Variants in COL6A2 observed in about 807,000 individuals in gnomAD.
COL6A2 encodes collagen type VI alpha 2 chain.
A neutral mutation model predicts 124.9 loss-of-function variants in COL6A2; 90 were observed. That is an observed-to-expected ratio of 0.72 (90% CI 0.61 to 0.86). The LOEUF (loss-of-function observed/expected upper bound fraction) is 0.86. COL6A2 is among the 40% of genes least tolerant of loss of function. COL6A2 has a pLI of 0.00. For synonymous variants in COL6A2, 793 were observed against 618.2 expected (o/e 1.28, Z -4.19); for missense variants, 1,607 against 1,502.5 (o/e 1.07, Z -1.15).
In COL6A2 at chr21:46,112,283, C is replaced by T; in HGVS notation, c.420C>T (p.Asn140=). 4 of 1,612,674 alleles carry T rather than the reference C, an allele frequency of 2.5e-6. No individual in the cohort carries two copies. The highest frequency in any genetic ancestry group is 3.4e-6 in the Non-Finnish European group (4 of 1,179,948). ...RGTFTDCALA[N]MTEQIRQDRS... is the part of the protein sequence containing the mutation. ...CCTTCACCGACTGCGCGCTGGCCAA[C>T]ATGACGGAGCAGATCCGGCAGGACC... Residue 140 remains asparagine, a synonymous_variant, in exon 3 of 28, where the codon AAC becomes AAT. Transcript: ENST00000300527.
intron 3 of COL6A2, 55 bp from the exon 4 acceptor site, chr21:46,112,749 A>C: frequency 6.2e-7 from 1 of 1,612,724 alleles, no homozygotes; most frequent in Non-Finnish European, 8.5e-7. Context: ...CTCGAGGTGC[A>C]GCCGCCCCAG....
At chr21:46,105,460 A>C (rs2078326708) in intron 1 of COL6A2, among the ~76,000 whole-genome samples, 1 of 152,228 alleles carries the variant, frequency 6.6e-6, no homozygotes. Flanking sequence ...TTGCTGTAAC[A>C]ATGGTGTGTA....
chr21:46,130,013 AG>A (rs1234106456), intron 27 of COL6A2, among the ~76,000 whole-genome samples: 1 of 152,070 alleles, frequency 6.6e-6, no homozygotes, highest in African/African-American at 2.4e-5. Flanking sequence ...GAGGCTGGTG[AG>A]CCTCGCTGGG....
intron 16 of COL6A2, 51 bp downstream of exon 16, chr21:46,120,628 C>G (rs985336104): frequency 7.0e-7 from 1 of 1,422,068 alleles, no homozygotes; most frequent in Non-Finnish European, 9.3e-7. Context: ...TGAGGGGGTG[C>G]AGGGGGGCTG....
intron 1 of COL6A2, among the ~76,000 whole-genome samples, chr21:46,100,308 A>ATGTG (rs2078275588): frequency 1.3e-5 from 2 of 149,682 alleles, no homozygotes; most frequent in South Asian, 4.2e-4. Flanking sequence ...CAGGCCATGG[A>ATGTG]TGTGTTTGTT....
At chr21:46,112,916 C>T (rs2078425207) in intron 4 of COL6A2, 92 bp downstream of exon 4, 5 of 1,538,302 alleles carry the variant, frequency 3.3e-6, no homozygotes, top group Non-Finnish European at 4.5e-6. Context: ...CGCCTCCAGG[C>T]TGGAACAGAT....
chr21:46,126,498 TCCAGACCCTCAGATCGTGTGC>T lies in COL6A2; in HGVS notation c.2426_2446del (p.Pro809_Asp815del). ...GCCTGGCCCGGCCTCTCTCCTCTCT[TCCAGACCCTCAGATCGTGTGC>T]CCAGACCTTCCCTGCCAAACAGGTA... On this transcript the variant is annotated splice_acceptor_variant and splice_polypyrimidine_tract_variant and coding_sequence_variant and intron_variant, in exon 27 of 28. Coordinates refer to ENST00000300527, the MANE Select transcript of COL6A2 (RefSeq NM_001849.4). LOFTEE classifies it high-confidence loss of function. 1 of 1,586,752 alleles carries T rather than the reference TCCAGACCCTCAGATCGTGTGC, an allele frequency of 6.3e-7. No homozygotes were observed. The highest frequency in any genetic ancestry group is 8.6e-7 in the Non-Finnish European group (1 of 1,156,656).
In COL6A2 at chr21:46,112,541, C is replaced by T. The variant is rs762973282; in HGVS notation, c.678C>T (p.Ile226=). The change falls in exon 3 of 28, where the codon ATC becomes ATT. Residue 226 remains isoleucine, a synonymous_variant. Transcript: ENST00000300527. ...CCATGCTGCCCGACTCCACCGAGAT[C>T]GACCAGGACACCATCAACCGCATCA... The part of the protein sequence containing the change: ...YATMLPDSTE[I]DQDTINRIIK... The T allele has an allele frequency of 4.3e-6, 7 of 1,612,196 alleles. No homozygotes were observed. Among genetic ancestry groups the T allele is most frequent in the Admixed American group, 1.7e-5 (1 of 60,022 alleles).
At chr21:46,111,629 G>A (rs749630520) in intron 2 of COL6A2, 38 bp downstream of exon 2, 2 of 837,728 alleles carry the variant, frequency 2.4e-6, no homozygotes, top group South Asian at 3.0e-5. Flanking sequence ...TGGGCATTTG[G>A]GGGGCAGTTG....
At chr21:46,099,579 G>A (rs1315354259) in intron 1 of COL6A2, among the ~76,000 whole-genome samples, 2 of 152,130 alleles carry the variant, frequency 1.3e-5, no homozygotes, top group African/African-American at 4.8e-5. Flanking sequence ...GCAAAGTCGG[G>A]CGCCTGATGC....
chr21:46,132,426 C>G lies in COL6A2; in HGVS notation c.2934C>G (p.Ser978Arg). The change falls in exon 28 of 28, where the codon AGC becomes AGG. Residue 978 changes from serine to arginine, a missense_variant. By Grantham distance (110) the Ser-to-Arg change is moderately radical. Coordinates refer to ENST00000300527, the MANE Select transcript of COL6A2 (RefSeq NM_001849.4). ...TACCCACCGTGCTGGCCTTGGGCAG[C>G]GACGTGGACATGGACGTGCTCACCA... is the stretch of plus-strand genomic sequence containing the variant. ...NVVPTVLALGSDVDMDVLTTL... is the reference protein window; with the variant it reads ...NVVPTVLALGRDVDMDVLTTL... The G allele has an allele frequency of 6.2e-7, 1 of 1,606,844 alleles. No homozygotes were observed. Among genetic ancestry groups the G allele is most frequent in the South Asian group, 1.1e-5 (1 of 91,042 alleles).
rs727502833 is a variant in COL6A2 at position 46,122,117 on chromosome 21, G to A, written c.1531G>A (p.Gly511Ser). Residue 511 changes from glycine (G) to serine (S), a missense_variant, in exon 19 of 28, where the codon GGC (glycine) becomes AGC (serine). Physicochemically the swap from Gly to Ser is moderately conservative, Grantham distance 56. Around this residue, in one of 3 missense-constraint regions of COL6A2, gnomAD observed 1,223 missense variants for 1,052.2 expected, o/e 1.16. Coordinates refer to ENST00000300527, the MANE Select transcript of COL6A2 (RefSeq NM_001849.4). ...CAACGTCCTCCTCCAGGGAGACCCCGGCAGGCCTGGATTCAGCTACCCAGG... is the reference window on the plus strand; with the variant it reads ...CAACGTCCTCCTCCAGGGAGACCCCAGCAGGCCTGGATTCAGCTACCCAGG... ...SGQPGPKGDP[G>S]RPGFSYPGPR... The A allele has an allele frequency of 1.1e-5, 18 of 1,612,716 alleles. No individual in the cohort carries two copies. The highest frequency in any genetic ancestry group is 1.7e-5 in the Admixed American group (1 of 60,002).
At chr21:46,129,316 C>G (rs140060660) in intron 27 of COL6A2, 1 of 1,612,920 alleles carries the variant, frequency 6.2e-7, no homozygotes, top group East Asian at 2.2e-5. Context: ...ACGGAGCTCA[C>G]GCAGGACCCG....
intron 1 of COL6A2, among the ~76,000 whole-genome samples, chr21:46,103,546 T>G (rs796555936): frequency 9.2e-5 from 14 of 152,318 alleles, no homozygotes; most frequent in African/African-American, 3.4e-4. Context: ...TGTATAGCCA[T>G]CAGTTTCCCC....
chr21:46,123,163 ACAGCATCCCCC>A (rs2078594091), intron 21 of COL6A2, among the ~76,000 whole-genome samples: 1 of 13,604 alleles, frequency 7.4e-5, no homozygotes, highest in Non-Finnish European at 1.5e-4. Context: ...CATCCCCCCC[ACAGCATCCCCC>A]ACAAGGGTCC....
chr21:46,120,634 G>A, intron 16 of COL6A2, 57 bp downstream of exon 16: 7 of 1,387,170 alleles, frequency 5.0e-6, no homozygotes, highest in Non-Finnish European at 6.7e-6. Context: ...GGTGCAGGGG[G>A]GCTGCACCCC....
intron 1 of COL6A2, among the ~76,000 whole-genome samples, chr21:46,102,961 T>A (rs2078303006): frequency 1.3e-5 from 2 of 152,216 alleles, no homozygotes; most frequent in Non-Finnish European, 2.9e-5. Flanking sequence ...AGTGTTCCCT[T>A]CTCTTCAAGT....
intron 12 of COL6A2, among the ~76,000 whole-genome samples, chr21:46,118,169 A>G (rs1271139590): frequency 2.0e-5 from 3 of 151,554 alleles, no homozygotes; most frequent in African/African-American, 7.3e-5. Context: ...CAACAAACCC[A>G]CCTCCTCCCA....
chr21:46,128,261 G>A (rs972037071), intron 27 of COL6A2, among the ~76,000 whole-genome samples: 1 of 152,186 alleles, frequency 6.6e-6, no homozygotes, highest in Non-Finnish European at 1.5e-5. Context: ...ACAGTGAGTG[G>A]GAGCAGCCCT....
Sources: gnomAD v4.1 joint callset for allele counts (sites outside exome capture counted in the v4.1 genomes callset) on GRCh38, gnomAD v4.1.1 for gene constraint, gnomAD v4.1.1 regional missense constraint, MANE v1.5 for transcripts, NCBI Gene and HGNC (gene_info 2026-07-23, HGNC 2026-07-21) for gene names.